The following KIAA0232 variants were observed in gnomAD, a reference collection of about 807,000 sequenced individuals.
KIAA0232 encodes KIAA0232.
A neutral mutation model predicts 122.0 loss-of-function variants in KIAA0232; 27 were observed. That is an observed-to-expected ratio of 0.22 (90% CI 0.16 to 0.31). The LOEUF (loss-of-function observed/expected upper bound fraction) is 0.31. Ranked by LOEUF, KIAA0232 falls within the 10% of genes least tolerant of loss-of-function variation. The pLI is 1.00. For missense variants in KIAA0232, 1,551 were observed against 1,634.2 expected, an observed-to-expected ratio of 0.95 and a Z score of 0.88; for synonymous variants, 613 against 587.6, an observed-to-expected ratio of 1.04 and a Z score of -0.63.
intron 1 of KIAA0232, among the ~76,000 whole-genome samples, chr4:6,783,410 G>T (rs981719249): frequency 1.3e-5 from 2 of 152,222 alleles, no homozygotes; most frequent in Non-Finnish European, 1.5e-5. Context: ...TCTTCTAGGG[G>T]AGACGAGGCG....
At chr4:6,866,100 A>G in intron 7 of KIAA0232, 1 of 361,182 alleles carries the variant, frequency 2.8e-6, no homozygotes, top group Non-Finnish European at 3.9e-6. Flanking sequence ...GAAAAAACCC[A>G]ATAATATTGT....
chr4:6,874,136 T>C (rs1721632177), intron 8 of KIAA0232, among the ~76,000 whole-genome samples: 1 of 152,204 alleles, frequency 6.6e-6, no homozygotes, highest in Non-Finnish European at 1.5e-5. Flanking sequence ...CTTTGTGCAG[T>C]CTGCCCCCTG....
At chr4:6,806,177 A>G (rs1475310977) in intron 2 of KIAA0232, among the ~76,000 whole-genome samples, 1 of 152,182 alleles carries the variant, frequency 6.6e-6, no homozygotes, top group Non-Finnish European at 1.5e-5. Flanking sequence ...GAAGGCATAA[A>G]AACTGCCATT....
chr4:6,863,965 C>A lies in KIAA0232; in HGVS notation c.3583C>A (p.Gln1195Lys), dbSNP rs1370631438. The change falls in exon 7 of 10, where the codon CAG (glutamine) becomes AAG (lysine). Residue 1195 changes from glutamine (Q) to lysine (K), a missense_variant. Coordinates refer to ENST00000307659, the MANE Select transcript of KIAA0232 (RefSeq NM_014743.3). ...EKSAQTSLDS[Q>K]EESTGILSVG... The stretch of plus-strand genomic sequence containing the variant: ...GAGTGCTCAGACATCACTGGATTCC[C>A]AGGAGGAATCAACTGGGATTCTTTC... 3 of 1,613,904 alleles carry A rather than the reference C, an allele frequency of 1.9e-6. No homozygotes were observed. Among genetic ancestry groups the A allele is most frequent in the South Asian group, 1.1e-5 (1 of 91,052 alleles).
intron 4 of KIAA0232, among the ~76,000 whole-genome samples, chr4:6,854,167 C>T (rs1347502001): frequency 2.0e-5 from 3 of 152,162 alleles, no homozygotes; most frequent in Non-Finnish European, 2.9e-5. Context: ...AAATTAAAGA[C>T]GTACAAAATC....
Position 6,855,171 on chromosome 4 carries a change from ACCT to A in KIAA0232, c.370-1989_370-1987del, listed in dbSNP as rs1206419730. Among the ~76,000 whole-genome samples, 1 of 151,568 alleles carries A rather than the reference ACCT, an allele frequency of 6.6e-6. No individual in the cohort carries two copies. Among genetic ancestry groups the A allele is most frequent in the Non-Finnish European group, 1.5e-5 (1 of 67,948 alleles). On this transcript the variant is annotated intron_variant, in intron 4 of 9. Transcript: ENST00000307659. The surrounding 1 kb of genome is among the most constrained non-coding windows in gnomAD (Gnocchi z 4.3). Reference sequence around the variant, plus strand: ...GCGATCTCAGCTCACTGCAACCTCCACCTCCTGGGTTCAAGCAGTTCTCCTGCC... The same window carrying A: ...GCGATCTCAGCTCACTGCAACCTCCACCTGGGTTCAAGCAGTTCTCCTGCC...
chr4:6,853,295 G>C (rs989366775), intron 4 of KIAA0232, among the ~76,000 whole-genome samples: 2 of 152,222 alleles, frequency 1.3e-5, no homozygotes, highest in Admixed American at 1.3e-4. Flanking sequence ...GGTTTGGAAG[G>C]CAGCTCTGGA....
At chr4:6,804,754 A>T (rs1717539884) in intron 2 of KIAA0232, 148 bp downstream of exon 2, 2 of 152,240 alleles carry the variant, frequency 1.3e-5, no homozygotes, top group African/African-American at 4.8e-5. Flanking sequence ...TAATGATCTT[A>T]TTCCTAAATT....
At chr4:6,807,379 T>A (rs1432069772) in intron 2 of KIAA0232, among the ~76,000 whole-genome samples, 1 of 152,248 alleles carries the variant, frequency 6.6e-6, no homozygotes, top group Non-Finnish European at 1.5e-5. Flanking sequence ...GCATATATAC[T>A]TACGTGTTTA....
At chr4:6,803,579 G>A (rs569054824) in intron 1 of KIAA0232, among the ~76,000 whole-genome samples, 1 of 152,214 alleles carries the variant, frequency 6.6e-6, no homozygotes, top group South Asian at 2.1e-4. Flanking sequence ...TCTTTCTAGA[G>A]TTGTCTAATT....
rs1427602416 is a variant in KIAA0232, at chr4:6,863,027, A to C, written c.2645A>C (p.Glu882Ala). ...QEPDKAVRRS[E>A]YHLWEGQKES... Reference sequence around the variant, plus strand: ...CCTGATAAGGCTGTGCGGAGGTCAGAGTACCATCTGTGGGAGGGACAGAAA... The same window carrying C: ...CCTGATAAGGCTGTGCGGAGGTCAGCGTACCATCTGTGGGAGGGACAGAAA... Residue 882 changes from glutamate to alanine, a missense_variant, in exon 7 of 10, where the codon GAG (glutamate) becomes GCG (alanine). Around this residue, in one of 5 missense-constraint regions of KIAA0232, gnomAD observed 1,108 missense variants for 1,154.8 expected, o/e 0.96. Coordinates refer to ENST00000307659, the MANE Select transcript of KIAA0232 (RefSeq NM_014743.3). The C allele has an allele frequency of 1.2e-6, 2 of 1,614,120 alleles. No homozygotes were observed. The highest frequency in any genetic ancestry group is 1.7e-6 in the Non-Finnish European group (2 of 1,180,052).
intron 2 of KIAA0232, among the ~76,000 whole-genome samples, chr4:6,812,055 C>A (rs1289239173): frequency 6.6e-6 from 1 of 152,100 alleles, no homozygotes; most frequent in Non-Finnish European, 1.5e-5. Context: ...TTCTCTCAAA[C>A]AGTTCTTTCT....
intron 4 of KIAA0232, among the ~76,000 whole-genome samples, chr4:6,846,810 A>G (rs1719989855): frequency 6.6e-6 from 1 of 152,144 alleles, no homozygotes; most frequent in African/African-American, 2.4e-5. Context: ...GAGGACCTAC[A>G]TCGAAAATTA....
In KIAA0232 at chr4:6,862,100, C is replaced by G. The variant is rs1222886645; in HGVS notation, c.1718C>G (p.Ser573Cys). The G allele has an allele frequency of 4.3e-6, 7 of 1,614,036 alleles. No homozygotes were observed. Among genetic ancestry groups the G allele is most frequent in the Non-Finnish European group, 5.9e-6 (7 of 1,180,032 alleles). ...GCAATATGGACAGATTCTACCAGCT[C>G]CGTAGGTGCTGAGGGCTTATTCCTG... ...ERAIWTDSTS[S>C]VGAEGLFLQD... Residue 573 changes from serine (S) to cysteine (C), a missense_variant, in exon 7 of 10, where the codon TCC becomes TGC. Ser to Cys is a moderately radical substitution (Grantham distance 112, BLOSUM62 -1). Transcript: ENST00000307659.
At chr4:6,812,528 CTAGT>C (rs1214616684) in intron 2 of KIAA0232, among the ~76,000 whole-genome samples, 1 of 152,006 alleles carries the variant, frequency 6.6e-6, no homozygotes, top group African/African-American at 2.4e-5. Flanking sequence ...GGAAAAAACA[CTAGT>C]TAATAAGCAC....
chr4:6,788,029 A>G (rs1560157320), intron 1 of KIAA0232, among the ~76,000 whole-genome samples: 1 of 151,876 alleles, frequency 6.6e-6, no homozygotes, highest in Non-Finnish European at 1.5e-5. Context: ...CTTTTATTGG[A>G]TCTCTTCTTT....
rs1175118383 is a variant in KIAA0232, at chr4:6,863,183, A to T, written c.2801A>T (p.Tyr934Phe). Residue 934 changes from tyrosine to phenylalanine, a missense_variant, in exon 7 of 10, where the codon TAT becomes TTT. Tyr to Phe is a conservative substitution (Grantham distance 22). This residue lies in a region of KIAA0232 where 1,108 missense variants were observed against 1,154.8 expected (regional missense o/e 0.96). Transcript: ENST00000307659. ...AACACATTCATTCTTGGAGGAGTTT[A>T]TGGAGAACTCAAAACCTTCAATAGT... Reference protein sequence around the residue: ...KENTFILGGVYGELKTFNSDG... With the variant: ...KENTFILGGVFGELKTFNSDG... The T allele has an allele frequency of 1.2e-6, 2 of 1,613,960 alleles. No homozygotes were observed. Among genetic ancestry groups the T allele is most frequent in the Non-Finnish European group, 1.7e-6 (2 of 1,180,036 alleles).
At chr4:6,838,188 G>A (rs1410498455) in intron 3 of KIAA0232, among the ~76,000 whole-genome samples, 1 of 100,202 alleles carries the variant, frequency 1.0e-5, no homozygotes, top group African/African-American at 4.1e-5. Flanking sequence ...AACAAAGATA[G>A]CTTTTTTTTT....
chr4:6,820,115 G>C (rs1406712363), intron 2 of KIAA0232, among the ~76,000 whole-genome samples: 1 of 152,142 alleles, frequency 6.6e-6, no homozygotes, highest in East Asian at 1.9e-4. Flanking sequence ...GAGGGAGGGA[G>C]GCAGTAGGTG....
Sources: gnomAD v4.1 joint callset for allele counts (sites outside exome capture counted in the v4.1 genomes callset) on GRCh38, gnomAD v4.1.1 for gene constraint, gnomAD v4.1.1 regional missense constraint, Gnocchi (gnomAD v3.1) non-coding constraint, MANE v1.5 for transcripts, NCBI Gene and HGNC (gene_info 2026-07-23, HGNC 2026-07-21) for gene names.